MGAT5: variants seen among roughly 807,000 people sequenced by gnomAD.
MGAT5 encodes alpha-1,6-mannosylglycoprotein 6-beta-N-acetylglucosaminyltransferase, also known as alpha-1,6-mannosylglycoprotein 6-beta-N-acetylglucosaminyltransferase A.
In MGAT5, 30 loss-of-function variants were observed where a neutral mutation model predicts 94.3. That is an observed-to-expected ratio of 0.32 (90% CI 0.24 to 0.43). MGAT5 has a LOEUF of 0.43. MGAT5 is among the 20% of genes least tolerant of loss of function. MGAT5 has a pLI of 1.00. For synonymous variants in MGAT5, 310 were observed against 322.9 expected, an observed-to-expected ratio of 0.96 and a Z score of 0.43; for missense variants, 691 against 905.5, an observed-to-expected ratio of 0.76 and a Z score of 3.04.
chr2:134,145,687 C>T (rs901125086), intron 1 of MGAT5, among the ~76,000 whole-genome samples: 1 of 152,236 alleles, frequency 6.6e-6, no homozygotes, highest in Non-Finnish European at 1.5e-5. Flanking sequence ...TGACTCTGCT[C>T]TTTATAGCTG....
chr2:134,286,438 C>CT (rs201438209), intron 2 of MGAT5, among the ~76,000 whole-genome samples: 4,638 of 146,968 alleles, frequency 0.032, 83 homozygotes, highest in Non-Finnish European at 0.048. Flanking sequence ...ATTTCTTTTT[C>CT]TTTTTTTTTT....
intron 1 of MGAT5, among the ~76,000 whole-genome samples, chr2:134,258,921 C>T (rs1393043044): frequency 2.6e-5 from 4 of 152,200 alleles, no homozygotes; most frequent in African/African-American, 9.7e-5. Context: ...AGGTGCCTGA[C>T]ATTGTGTGCT....
Position 134,448,896 on chromosome 2 carries a change from C to G in MGAT5, c.*49C>G, listed in dbSNP as rs202011729. 6.4e-7 allele frequency: 1 copy of G among 1,572,124 alleles called. No individual in the cohort carries two copies. The highest frequency in any genetic ancestry group is 1.3e-5 in the African/African-American group (1 of 74,178). On this transcript the variant is annotated 3_prime_UTR_variant, in exon 16 of 16. Coordinates refer to ENST00000281923, the MANE Select transcript of MGAT5 (RefSeq NM_002410.5). ...CATGCTGCTGGGGAAGACAGTGGCC[C>G]CAGCCCCGTCAGGCAGGGCCAGGGA...
chr2:134,380,067 T>A (rs1681437944), intron 10 of MGAT5, among the ~76,000 whole-genome samples: 1 of 152,238 alleles, frequency 6.6e-6, no homozygotes, highest in Non-Finnish European at 1.5e-5. Flanking sequence ...GTATAGTGTC[T>A]GGCATGTAGT....
chr2:134,399,207 A>ATG (rs1323016378), intron 10 of MGAT5, among the ~76,000 whole-genome samples: 1 of 152,222 alleles, frequency 6.6e-6, no homozygotes, highest in African/African-American at 2.4e-5. Flanking sequence ...CAATTTAAAA[A>ATG]TGTTGTAAAA....
intron 4 of MGAT5, among the ~76,000 whole-genome samples, chr2:134,328,153 C>T (rs1042756751): frequency 6.6e-6 from 1 of 152,052 alleles, no homozygotes; most frequent in African/African-American, 2.4e-5. Context: ...GTGTCTTATC[C>T]TCTTGTTAGA....
At chr2:134,335,040 T>A (rs1167589123) in intron 4 of MGAT5, among the ~76,000 whole-genome samples, 1 of 152,204 alleles carries the variant, frequency 6.6e-6, no homozygotes, top group African/African-American at 2.4e-5. Context: ...TGGGATCATC[T>A]GCAGTGGCAG....
At chr2:134,348,940 G>A (rs571862378) in intron 8 of MGAT5, among the ~76,000 whole-genome samples, 9 of 152,298 alleles carry the variant, frequency 5.9e-5, no homozygotes, top group African/African-American at 2.2e-4. Context: ...TTTTTGAGCC[G>A]TATATGCATC....
intron 11 of MGAT5, among the ~76,000 whole-genome samples, chr2:134,407,804 T>C (rs1183414922): frequency 5.9e-5 from 9 of 152,026 alleles, no homozygotes; most frequent in Admixed American, 5.9e-4. Flanking sequence ...TCACGCTGAG[T>C]GGGGCCAACA....
chr2:134,356,191 G>A (rs1028522602), intron 9 of MGAT5, among the ~76,000 whole-genome samples: 2 of 152,156 alleles, frequency 1.3e-5, no homozygotes, highest in African/African-American at 4.8e-5. Context: ...GCATTTCTTG[G>A]TACTTGTGGA....
chr2:134,134,662 G>A (rs1472023096), intron 1 of MGAT5, among the ~76,000 whole-genome samples: 1 of 152,172 alleles, frequency 6.6e-6, no homozygotes, highest in Non-Finnish European at 1.5e-5. Context: ...TCTAGTCCCA[G>A]GCCCTACAAT....
At position 134,143,913 on chromosome 2, in the gene MGAT5, G is replaced by A. The variant is rs1246918012; in HGVS notation, c.-143+23622G>A. ...GGTAATTATTACAGTGAGAAGATAG[G>A]GATGTGGGGGAGAAGAAGACATTGT... On this transcript the variant is annotated intron_variant, in intron 1 of 16. Transcript: ENST00000409645. 2.0e-5 allele frequency among the ~76,000 whole-genome samples: 3 copies of A among 152,144 alleles called. No homozygotes were observed. The East Asian group carries it at 5.8e-4, about 29-fold the overall frequency.
At chr2:134,256,747 C>T (rs1014886721) in intron 1 of MGAT5, among the ~76,000 whole-genome samples, 6 of 152,320 alleles carry the variant, frequency 3.9e-5, no homozygotes, top group South Asian at 4.1e-4. Context: ...AACTTACTTT[C>T]GTAGATGAAC....
intron 10 of MGAT5, among the ~76,000 whole-genome samples, chr2:134,374,891 G>A (rs767478886): frequency 9.2e-5 from 14 of 152,214 alleles, no homozygotes; most frequent in Non-Finnish European, 7.3e-5. Context: ...TACTCGGGAA[G>A]CTGAGGTGGG....
intron 1 of MGAT5, among the ~76,000 whole-genome samples, chr2:134,227,985 A>T (rs1312650237): frequency 1.3e-5 from 2 of 152,216 alleles, no homozygotes; most frequent in African/African-American, 4.8e-5. Flanking sequence ...AGACAGTGAG[A>T]AAATATCAAG....
intron 1 of MGAT5, among the ~76,000 whole-genome samples, chr2:134,265,315 C>G (rs1184851424): frequency 6.6e-6 from 1 of 152,158 alleles, no homozygotes; most frequent in Non-Finnish European, 1.5e-5. Context: ...TTACTGAGAT[C>G]CCATCTCCTT....
rs139506979 is a variant in MGAT5, at chr2:134,143,448, G to A, written c.-143+23157G>A. 2.7e-3 allele frequency among the ~76,000 whole-genome samples: 404 copies of A among 152,302 alleles called. 2 individuals are homozygous for A. The highest frequency in any genetic ancestry group is 0.015 in the East Asian group (77 of 5,182). On this transcript the variant is annotated intron_variant, in intron 1 of 16. Transcript: ENST00000409645. ...CCTGCTTGCTGCCTATTTTGTAACA[G>A]GGAGCTTTGTTTTCATGATCTTCCC...
chr2:134,453,938 T>A lies in MGAT5; in HGVS notation c.*5091T>A, dbSNP rs1686227719. 1.3e-5 allele frequency: 2 copies of A among 152,246 alleles called. No individual in the cohort carries two copies. The highest frequency in any genetic ancestry group is 4.8e-5 in the African/African-American group (2 of 41,452). The allele number at this position is 152,246 out of a possible 1,614,324, so 9.4% of individuals were successfully genotyped here. Reference sequence around the variant, plus strand: ...TGCCCTGTCTTGGCACAACTCTGGATAGATTGCAGGTGTGGAATTTGCTGG... The same window carrying A: ...TGCCCTGTCTTGGCACAACTCTGGAAAGATTGCAGGTGTGGAATTTGCTGG... On this transcript the variant is annotated 3_prime_UTR_variant, in exon 16 of 16. Transcript: ENST00000281923.
chr2:134,340,311 G>A (rs1688552844), intron 6 of MGAT5, among the ~76,000 whole-genome samples: 1 of 152,132 alleles, frequency 6.6e-6, no homozygotes, highest in Non-Finnish European at 1.5e-5. Context: ...AGTTGTACCT[G>A]TTGAGCCTAC....
Sources: gnomAD v4.1 joint callset for allele counts (sites outside exome capture counted in the v4.1 genomes callset) on GRCh38, gnomAD v4.1.1 for gene constraint, MANE v1.5 for transcripts, NCBI Gene and HGNC (gene_info 2026-07-23, HGNC 2026-07-21) for gene names.